The following PLCL2 variants were observed in gnomAD, a reference collection of about 807,000 sequenced individuals.
PLCL2 encodes phospholipase C like 2.
In PLCL2, 4 loss-of-function variants were observed where a neutral mutation model predicts 79.6. The observed-to-expected ratio is 0.05, with a 90% CI of 0.02 to 0.11. The LOEUF (loss-of-function observed/expected upper bound fraction) is 0.11. Ranked by LOEUF, PLCL2 falls within the 10% of genes least tolerant of loss-of-function variation. PLCL2 has a pLI of 1.00. For missense variants in PLCL2, 895 were observed against 1,291.0 expected (o/e 0.69, Z 4.70); for synonymous variants, 484 against 457.7 (o/e 1.06, Z -0.73).
rs192107564 is a variant in PLCL2, at chr3:16,895,754, A to G, written c.327+10388A>G. On this transcript the variant is annotated intron_variant, in intron 1 of 5. Transcript: ENST00000615277. Reference sequence around the variant, plus strand: ...ATAGCGTATCATACAGTGGAATCCTATGAGGAAAAGGAAGAAAGAACAGAA... The same window carrying G: ...ATAGCGTATCATACAGTGGAATCCTGTGAGGAAAAGGAAGAAAGAACAGAA... Among the ~76,000 whole-genome samples the G allele has an allele frequency of 3.9e-5, 6 of 152,316 alleles. No individual in the cohort carries two copies. The East Asian group carries it at 1.2e-3, about 29-fold the overall frequency.
intron 5 of PLCL2, among the ~76,000 whole-genome samples, chr3:17,082,794 G>T (rs761596194): frequency 6.6e-5 from 10 of 151,828 alleles, no homozygotes; most frequent in East Asian, 1.9e-4. Context: ...ATAACTTTTC[G>T]TGAAGAAAAA....
rs139483519 is a variant in PLCL2, at chr3:16,901,429, C to T, written c.327+16063C>T. 4.1e-3 allele frequency among the ~76,000 whole-genome samples: 618 copies of T among 152,262 alleles called. 1 individual carries two copies. The highest frequency in any genetic ancestry group is 0.014 in the African/African-American group (562 of 41,540). On this transcript the variant is annotated intron_variant, in intron 1 of 5. Coordinates refer to ENST00000615277, the MANE Select transcript of PLCL2 (RefSeq NM_001144382.2). Reference sequence around the variant, plus strand: ...ACTCCATAGTCCAAGTCTGCATCCTCGACTTGGGCAGTGCCCACACAAATG... The same window carrying T: ...ACTCCATAGTCCAAGTCTGCATCCTTGACTTGGGCAGTGCCCACACAAATG...
In PLCL2 at chr3:17,012,122, C is replaced by G. The variant is rs575878810; in HGVS notation, c.2776C>G (p.Pro926Ala). ...TGAGGTATTCAAGAATGCCCAGCCCCCTATACGGGATGCCACAGATCTGAG... is the reference window on the plus strand; with the variant it reads ...TGAGGTATTCAAGAATGCCCAGCCCGCTATACGGGATGCCACAGATCTGAG... ...VDEVFKNAQPPIRDATDLREN... is the reference protein window; with the variant it reads ...VDEVFKNAQPAIRDATDLREN... The change falls in exon 2 of 6, where the codon CCT (proline) becomes GCT (alanine). Residue 926 changes from proline (P) to alanine (A), a missense_variant. By Grantham distance (27) the Pro-to-Ala change is conservative (BLOSUM62 -1). Transcript: ENST00000615277. 47 of 1,613,918 alleles carry G rather than the reference C, an allele frequency of 2.9e-5. No homozygotes were observed. Among genetic ancestry groups the G allele is most frequent in the South Asian group, 2.9e-4 (26 of 91,074 alleles).
chr3:16,939,095 C>T (rs1697613353), intron 1 of PLCL2, among the ~76,000 whole-genome samples: 1 of 152,162 alleles, frequency 6.6e-6, no homozygotes, highest in Non-Finnish European at 1.5e-5. Context: ...AAGGCCCATC[C>T]ATGCTGTGCA....
intron 4 of PLCL2, among the ~76,000 whole-genome samples, chr3:17,065,187 AG>A (rs2064996853): frequency 6.6e-6 from 1 of 152,162 alleles, no homozygotes; most frequent in Non-Finnish European, 1.5e-5. Flanking sequence ...GAGTAAGATA[AG>A]GGGGAGTGGT....
At chr3:16,979,594 C>T (rs2063960002) in intron 1 of PLCL2, among the ~76,000 whole-genome samples, 1 of 126,942 alleles carries the variant, frequency 7.9e-6, no homozygotes, top group African/African-American at 3.1e-5. Flanking sequence ...CTTGCACCGC[C>T]CTTAATCCAT....
At chr3:16,953,515 T>C (rs1345792091) in intron 1 of PLCL2, among the ~76,000 whole-genome samples, 1 of 152,160 alleles carries the variant, frequency 6.6e-6, no homozygotes, top group African/African-American at 2.4e-5. Context: ...GAAGAGCTTG[T>C]TCTCTAAAAA....
chr3:16,933,706 C>T (rs1697466913), intron 1 of PLCL2, among the ~76,000 whole-genome samples: 1 of 151,698 alleles, frequency 6.6e-6, no homozygotes, highest in African/African-American at 2.4e-5. Flanking sequence ...GTGTAGTATA[C>T]ATCCATTGTG....
chr3:17,015,811 C>A (rs140452535), intron 3 of PLCL2, among the ~76,000 whole-genome samples: 3,202 of 152,304 alleles, frequency 0.021, 55 homozygotes, highest in South Asian at 0.044. Context: ...CATCATAAAC[C>A]TAAACAGAAA....
At chr3:16,993,486 G>A (rs1034081825) in intron 1 of PLCL2, among the ~76,000 whole-genome samples, 10 of 152,124 alleles carry the variant, frequency 6.6e-5, no homozygotes, top group African/African-American at 2.4e-4. Flanking sequence ...GTTGCGTAAT[G>A]GACTGAAGGG....
chr3:16,885,355 A>G lies in PLCL2; in HGVS notation c.316A>G (p.Ser106Gly). 1 of 643,522 alleles carries G rather than the reference A, an allele frequency of 1.6e-6. No individual in the cohort carries two copies. Among genetic ancestry groups the G allele is most frequent in the Non-Finnish European group, 2.8e-6 (1 of 357,080 alleles). 39.9% of individuals were successfully genotyped at this position (643,522 alleles called of 1,614,324 possible). Residue 106 changes from serine to glycine, a missense_variant, in exon 1 of 6, where the codon AGC (serine) becomes GGC (glycine). By Grantham distance (56) the Ser-to-Gly change is moderately conservative. This residue lies in a region of PLCL2 where 110 missense variants were observed against 42.9 expected (regional missense o/e 2.56). Transcript: ENST00000615277. ...SKPGGLPRRSSIIKDGTKQKR... is the reference protein window; with the variant it reads ...SKPGGLPRRSGIIKDGTKQKR... ...GCCGGGCGGCCTGCCCCGCCGGAGC[A>G]GCATCATCAAGGTAGGTGGGAGAAG...
chr3:16,927,405 G>C (rs566466016), intron 1 of PLCL2, among the ~76,000 whole-genome samples: 41 of 152,298 alleles, frequency 2.7e-4, no homozygotes, highest in Middle Eastern at 3.4e-3. Context: ...GGCAAGAATG[G>C]TTAGCAAACA....
chr3:16,955,662 A>G (rs1054184190), intron 1 of PLCL2, among the ~76,000 whole-genome samples: 8 of 152,226 alleles, frequency 5.3e-5, no homozygotes, highest in Non-Finnish European at 1.2e-4. Context: ...ACCCATGAGC[A>G]TGGAATGTTC....
rs575878810 is a variant in PLCL2 at position 17,012,122 on chromosome 3, C to T, written c.2776C>T (p.Pro926Ser). Residue 926 changes from proline to serine, a missense_variant, in exon 2 of 6, where the codon CCT (proline) becomes TCT (serine). Around this residue, in one of 6 missense-constraint regions of PLCL2, gnomAD observed 298 missense variants for 459.6 expected, o/e 0.65. Transcript: ENST00000615277. ...VDEVFKNAQP[P>S]IRDATDLREN... ...TGAGGTATTCAAGAATGCCCAGCCC[C>T]CTATACGGGATGCCACAGATCTGAG... 1 of 1,613,918 alleles carries T rather than the reference C, an allele frequency of 6.2e-7. No individual in the cohort carries two copies. The highest frequency in any genetic ancestry group is 1.1e-5 in the South Asian group (1 of 91,074).
Position 16,995,312 on chromosome 3 carries a change from A to T in PLCL2, c.328-14362A>T, listed in dbSNP as rs377543636. On this transcript the variant is annotated intron_variant, in intron 1 of 5. Transcript: ENST00000615277. Reference sequence around the variant, plus strand: ...CAAAAGAGACTTCTTCCGTTTGTTGACCTTTTAAAACAGGTGGTGAGTTGT... The same window carrying T: ...CAAAAGAGACTTCTTCCGTTTGTTGTCCTTTTAAAACAGGTGGTGAGTTGT... Among the ~76,000 whole-genome samples, 6 of 152,344 alleles carry T rather than the reference A, an allele frequency of 3.9e-5. No individual in the cohort carries two copies. In the South Asian group the frequency reaches 1.2e-3, roughly 32 times the overall value.
intron 1 of PLCL2, among the ~76,000 whole-genome samples, chr3:16,894,718 T>G (rs1243321539): frequency 6.6e-6 from 1 of 152,182 alleles, no homozygotes; most frequent in Non-Finnish European, 1.5e-5. Context: ...TGAACATCTT[T>G]TCATATGTTT....
chr3:17,044,922 G>T (rs908192703), intron 4 of PLCL2, among the ~76,000 whole-genome samples: 6 of 152,134 alleles, frequency 3.9e-5, no homozygotes, highest in East Asian at 1.9e-4. Flanking sequence ...TGATTAGGAT[G>T]GGGGGAGAAT....
intron 1 of PLCL2, among the ~76,000 whole-genome samples, chr3:16,949,226 G>A (rs1396517269): frequency 6.6e-6 from 1 of 152,082 alleles, no homozygotes; most frequent in Non-Finnish European, 1.5e-5. Context: ...CTGGGTAGAA[G>A]GTGTGTCCAT....
chr3:17,023,643 C>T (rs143731464), intron 3 of PLCL2, among the ~76,000 whole-genome samples: 1,640 of 152,242 alleles, frequency 0.011, 30 homozygotes, highest in Admixed American at 0.046. Flanking sequence ...TCCTTTTATT[C>T]CCAGTCTCGG....
Sources: allele counts gnomAD v4.1 joint callset (sites outside exome capture counted in the v4.1 genomes callset), GRCh38; gene constraint gnomAD v4.1.1; regional missense constraint gnomAD v4.1.1; transcripts MANE v1.5; gene names NCBI Gene and HGNC (gene_info 2026-07-23, HGNC 2026-07-21).